CALCRL: variants seen among roughly 807,000 people sequenced by gnomAD.
CALCRL encodes calcitonin receptor like receptor.
CALCRL carries 27 observed loss-of-function variants against 60.4 expected under a neutral mutation model. The observed-to-expected ratio is 0.45, with a 90% CI of 0.33 to 0.62. The LOEUF is 0.62. CALCRL is among the 20% of genes least tolerant of loss of function. The pLI is 0.03. For missense variants in CALCRL, 424 were observed against 540.7 expected (o/e 0.78, Z 2.14); for synonymous variants, 190 against 182.6 (o/e 1.04, Z -0.33).
At chr2:187,366,963 C>CACACACACACA (rs1574231818) in intron 8 of CALCRL, among the ~76,000 whole-genome samples, 2 of 148,350 alleles carry the variant, frequency 1.3e-5, no homozygotes, top group South Asian at 2.1e-4. Flanking sequence ...CACACACACA[C>CACACACACACA]GACATCTTAT....
intron 1 of CALCRL, chr2:187,441,926 A>G (rs1332692800): frequency 6.6e-6 from 1 of 151,774 alleles, no homozygotes; most frequent in African/African-American, 2.4e-5. Flanking sequence ...TACTTACTGT[A>G]TAGTTTTTCC....
chr2:187,351,363 A>T (rs184677369), intron 14 of CALCRL, among the ~76,000 whole-genome samples: 400 of 151,912 alleles, frequency 2.6e-3, no homozygotes, highest in South Asian at 0.012. Context: ...ATGGATAAAA[A>T]TCTAGAAGTA....
chr2:187,407,201 C>G (rs1332538976), intron 1 of CALCRL, among the ~76,000 whole-genome samples: 1 of 152,002 alleles, frequency 6.6e-6, no homozygotes, highest in Non-Finnish European at 1.5e-5. Flanking sequence ...GTCTGGTATT[C>G]ATTAATCTTC....
At chr2:187,378,570 C>T (rs574541519) in intron 8 of CALCRL, among the ~76,000 whole-genome samples, 45 of 152,102 alleles carry the variant, frequency 3.0e-4, no homozygotes, top group African/African-American at 1.1e-3. Flanking sequence ...CACAAAATTC[C>T]GGTTTCTAAA....
chr2:187,444,247 AG>A (rs1028679105), intron 1 of CALCRL, among the ~76,000 whole-genome samples: 8 of 151,678 alleles, frequency 5.3e-5, no homozygotes, highest in African/African-American at 1.9e-4. Flanking sequence ...TAATTCAAAA[AG>A]ATATGTTCCA....
chr2:187,429,961 G>A (rs1002414360), intron 1 of CALCRL, among the ~76,000 whole-genome samples: 4 of 152,168 alleles, frequency 2.6e-5, no homozygotes, highest in Non-Finnish European at 5.9e-5. Context: ...AGATAGTGGA[G>A]GCCAAATCCA....
At chr2:187,390,907 T>C (rs2105801630) in intron 1 of CALCRL, among the ~76,000 whole-genome samples, 1 of 152,188 alleles carries the variant, frequency 6.6e-6, no homozygotes, top group Admixed American at 6.6e-5. Context: ...ACCAAATCAT[T>C]TGGTAGTGCA....
intron 1 of CALCRL, among the ~76,000 whole-genome samples, chr2:187,406,268 CA>C: frequency 6.6e-6 from 1 of 150,986 alleles, no homozygotes; most frequent in Non-Finnish European, 1.5e-5. Flanking sequence ...AGCTCAAGAG[CA>C]ACTCAAATAA....
chr2:187,343,691 AT>A lies in CALCRL; in HGVS notation c.*2492del, dbSNP rs1217416098. 2 of 151,582 alleles carry A rather than the reference AT, an allele frequency of 1.3e-5. No homozygotes were observed. Among genetic ancestry groups the A allele is most frequent in the Non-Finnish European group, 1.5e-5 (1 of 67,596 alleles). 9.4% of individuals were successfully genotyped at this position (151,582 alleles called of 1,614,324 possible). A position where few individuals can be genotyped will look rare whatever the true frequency, so the allele number is the denominator to read the frequency against. On this transcript the variant is annotated 3_prime_UTR_variant, in exon 15 of 15. Coordinates refer to ENST00000392370, the MANE Select transcript of CALCRL (RefSeq NM_005795.6). ...CAGATCTACATTTTAAAAGCTAGAA[AT>A]TTCCCCAAATTTATTTTTTTGACAG...
intron 8 of CALCRL, among the ~76,000 whole-genome samples, chr2:187,366,560 GAAATA>G (rs1018462894): frequency 4.3e-4 from 66 of 151,866 alleles, no homozygotes; most frequent in African/African-American, 1.4e-3. Context: ...ATTAAAAAGT[GAAATA>G]AAATAAATAA....
intron 1 of CALCRL, among the ~76,000 whole-genome samples, chr2:187,401,991 G>A (rs1231150212): frequency 6.6e-6 from 1 of 150,812 alleles, no homozygotes; most frequent in African/African-American, 2.4e-5. Flanking sequence ...AAGGAAGAAG[G>A]GAAAGAAGGA....
chr2:187,414,349 C>T (rs1012448952), intron 1 of CALCRL, among the ~76,000 whole-genome samples: 2 of 152,006 alleles, frequency 1.3e-5, no homozygotes, highest in African/African-American at 4.8e-5. Flanking sequence ...TAGTAGTCAA[C>T]CCTACTCCAT....
At chr2:187,445,465 AGATT>A (rs1330115065) in intron 1 of CALCRL, among the ~76,000 whole-genome samples, 1 of 151,658 alleles carries the variant, frequency 6.6e-6, no homozygotes, top group African/African-American at 2.4e-5. Context: ...GATCCTTTAA[AGATT>A]ATTATATTTT....
chr2:187,366,565 AAAAT>A (rs749142289), intron 8 of CALCRL, among the ~76,000 whole-genome samples: 11 of 151,928 alleles, frequency 7.2e-5, no homozygotes, highest in African/African-American at 1.7e-4. Flanking sequence ...AAAGTGAAAT[AAAAT>A]AAATAACGTG....
chr2:187,431,544 G>A (rs1559076981), intron 1 of CALCRL, among the ~76,000 whole-genome samples: 1 of 152,062 alleles, frequency 6.6e-6, no homozygotes, highest in Non-Finnish European at 1.5e-5. Flanking sequence ...GTATATTGAG[G>A]TTGTCACCAT....
At chr2:187,384,432 G>A (rs1688123836) in intron 4 of CALCRL, among the ~76,000 whole-genome samples, 1 of 152,174 alleles carries the variant, frequency 6.6e-6, no homozygotes, top group Non-Finnish European at 1.5e-5. Context: ...TCTTACATGA[G>A]TTCAAGAGGA....
chr2:187,355,826 AAAAATC>A (rs1686753890), intron 12 of CALCRL, among the ~76,000 whole-genome samples: 1 of 152,154 alleles, frequency 6.6e-6, no homozygotes, highest in Non-Finnish European at 1.5e-5. Context: ...ATCAATGTGC[AAAAATC>A]ACAAGCATTC....
intron 1 of CALCRL, among the ~76,000 whole-genome samples, chr2:187,429,889 C>T (rs1690322560): frequency 6.7e-6 from 1 of 148,286 alleles, no homozygotes; most frequent in Non-Finnish European, 1.5e-5. Flanking sequence ...TTGAAAAACA[C>T]ACTTGGAAAA....
chr2:187,359,306 C>A, intron 10 of CALCRL, 34 bp from the exon 11 acceptor site: 2 of 1,421,518 alleles, frequency 1.4e-6, no homozygotes, highest in Non-Finnish European at 1.9e-6. Flanking sequence ...AATAAATAGG[C>A]ATTTTTTCTA....
Sources: gnomAD v4.1 joint callset for allele counts (sites outside exome capture counted in the v4.1 genomes callset) on GRCh38, gnomAD v4.1.1 for gene constraint, MANE v1.5 for transcripts, NCBI Gene and HGNC (gene_info 2026-07-23, HGNC 2026-07-21) for gene names.